XKR3: variants seen among roughly 807,000 people sequenced by gnomAD.
XKR3 encodes the protein XK related 3.
In XKR3, 27 loss-of-function variants were observed where a neutral mutation model predicts 40.3. That is an observed-to-expected ratio of 0.67 (90% confidence interval 0.49 to 0.92). The LOEUF is 0.92. Among genes scored for constraint, XKR3 ranks in the 40% least tolerant of loss-of-function variants. The pLI, the probability that XKR3 is intolerant of heterozygous loss-of-function variation, is 0.00. For synonymous variants in XKR3, 193 were observed against 195.4 expected, an observed-to-expected ratio of 0.99 and a Z score of 0.10; for missense variants, 472 against 537.6, an observed-to-expected ratio of 0.88 and a Z score of 1.21.
At chr22:16,786,558 T>A (rs2060091651) in intron 3 of XKR3, among the ~76,000 whole-genome samples, 1 of 152,124 alleles carries the variant, frequency 6.6e-6, no homozygotes, top group Non-Finnish European at 1.5e-5. Context: ...GGGAAGACCA[T>A]GGCAGCTGCA....
intron 1 of XKR3, among the ~76,000 whole-genome samples, chr22:16,808,460 C>T (rs766114867): frequency 4.1e-4 from 62 of 152,126 alleles, no homozygotes; most frequent in African/African-American, 6.5e-4. Context: ...TAAAATAAAA[C>T]GGCACAATCT....
At chr22:16,818,722 C>G (rs1307986741) in intron 1 of XKR3, among the ~76,000 whole-genome samples, 1 of 152,100 alleles carries the variant, frequency 6.6e-6, no homozygotes, top group East Asian at 1.9e-4. Flanking sequence ...CCAGCTAAAA[C>G]AGAGGACAGC....
intron 3 of XKR3, among the ~76,000 whole-genome samples, chr22:16,798,297 T>C (rs946562690): frequency 3.3e-5 from 5 of 152,068 alleles, no homozygotes; most frequent in African/African-American, 9.7e-5. Context: ...AAATGGCTAC[T>C]ATTAAAATGT....
intron 1 of XKR3, among the ~76,000 whole-genome samples, chr22:16,822,391 AAT>A (rs66595162): frequency 0.6 from 90,445 of 151,266 alleles, 27,138 homozygotes; most frequent in African/African-American, 0.61. Context: ...AAATTAAAAA[AAT>A]AAATAAATAA....
At position 16,784,298 on chromosome 22, in the gene XKR3, T is replaced by C. The variant is rs1231053341; in HGVS notation, c.701A>G (p.Glu234Gly). Residue 234 changes from glutamate (E) to glycine (G), a missense_variant, in exon 4 of 4, where the codon GAA (glutamate) becomes GGA (glycine). Coordinates refer to ENST00000684488, the MANE Select transcript of XKR3 (RefSeq NM_001386955.1). ...ACGCCACATCACGACACAGAAGAAT[T>C]CTATCGGCGGTAGCTTAATGGTAGT... ...DDTTIKLPPIEFFCVVMWRFL... is the reference protein window; with the variant it reads ...DDTTIKLPPIGFFCVVMWRFL... The C allele has an allele frequency of 6.2e-7, 1 of 1,614,034 alleles. No homozygotes were observed. Among genetic ancestry groups the C allele is most frequent in the African/African-American group, 1.3e-5 (1 of 74,916 alleles).
In XKR3 at chr22:16,783,690, G is replaced by A. The variant is rs1224510847; in HGVS notation, c.1309C>T (p.Leu437=). 1.5e-5 allele frequency: 25 copies of A among 1,613,128 alleles called. 1 individual carries two copies. In the African/African-American group the frequency reaches 2.7e-4, roughly 17 times the overall value. Residue 437 remains leucine, a synonymous_variant, in exon 4 of 4, where the codon CTG becomes TTG. Transcript: ENST00000684488. The part of the protein sequence containing the change: ...EKTEKNKNKQ[L]RNYCHSCNRV... ...TTGCAGGAGTGACAGTAATTCCTCA[G>A]CTGCTTATTTTTATTCTTTTCAGTT...
chr22:16,823,854 T>C (rs2060265211), intron 1 of XKR3, among the ~76,000 whole-genome samples: 1 of 151,822 alleles, frequency 6.6e-6, no homozygotes, highest in Non-Finnish European at 1.5e-5. Context: ...GTGTCCAAAG[T>C]AGAACATTAG....
chr22:16,820,622 G>A (rs1215718240), intron 1 of XKR3, among the ~76,000 whole-genome samples: 1 of 115,098 alleles, frequency 8.7e-6, no homozygotes. Flanking sequence ...TTCCTAGTAC[G>A]CCATCTTGTT....
rs763864958 is a variant in XKR3, at chr22:16,784,331, T to C, written c.668A>G (p.Asn223Ser). ...CGGTAGCTTAATGGTAGTATCATCA[T>C]TGCTGATCTGGATGGCCAGTATATT... ...RCNILAIQIS[N>S]DDTTIKLPPI... is the part of the protein sequence containing the mutation. Residue 223 changes from asparagine to serine, a missense_variant, in exon 4 of 4, where the codon AAT becomes AGT. Physicochemically the swap from Asn to Ser is conservative, Grantham distance 46. Coordinates refer to ENST00000684488, the MANE Select transcript of XKR3 (RefSeq NM_001386955.1). 5 of 1,614,088 alleles carry C rather than the reference T, an allele frequency of 3.1e-6. No homozygotes were observed. The highest frequency in any genetic ancestry group is 4.2e-6 in the Non-Finnish European group (5 of 1,180,040).
At chr22:16,816,941 T>C (rs1438556019) in intron 1 of XKR3, among the ~76,000 whole-genome samples, 4 of 152,208 alleles carry the variant, frequency 2.6e-5, no homozygotes, top group Middle Eastern at 3.4e-3. Flanking sequence ...AAGAGACTCA[T>C]ACCAAAAATA....
chr22:16,813,007 G>C (rs916425897), intron 1 of XKR3, among the ~76,000 whole-genome samples: 1 of 152,140 alleles, frequency 6.6e-6, no homozygotes, highest in Admixed American at 6.5e-5. Context: ...ATAATGGGCC[G>C]GGCGCGGTGG....
intron 3 of XKR3, among the ~76,000 whole-genome samples, chr22:16,788,657 T>G (rs2060101597): frequency 2.6e-5 from 4 of 152,096 alleles, no homozygotes; most frequent in Non-Finnish European, 4.4e-5. Flanking sequence ...AGCAATATGC[T>G]CAATACAAAA....
At chr22:16,811,009 G>T (rs1348721882) in intron 1 of XKR3, among the ~76,000 whole-genome samples, 1 of 151,876 alleles carries the variant, frequency 6.6e-6, no homozygotes, top group East Asian at 1.9e-4. Flanking sequence ...AAGCCAAAAT[G>T]TAAGTTCTAT....
chr22:16,790,325 T>C (rs1328181589), intron 3 of XKR3, among the ~76,000 whole-genome samples: 1 of 113,566 alleles, frequency 8.8e-6, no homozygotes, highest in Non-Finnish European at 1.7e-5. Flanking sequence ...TTCATCCTAC[T>C]AGAAAGCTTC....
chr22:16,792,993 CTATTTTT>C (rs1391465544), intron 3 of XKR3, among the ~76,000 whole-genome samples: 3 of 152,090 alleles, frequency 2.0e-5, no homozygotes. Flanking sequence ...TTCCTGCTGA[CTATTTTT>C]TATTTTTTAT....
At chr22:16,795,558 T>C (rs972561244) in intron 3 of XKR3, among the ~76,000 whole-genome samples, 12 of 152,052 alleles carry the variant, frequency 7.9e-5, no homozygotes, top group Non-Finnish European at 1.6e-4. Flanking sequence ...CTAGAGAAGT[T>C]AATGAAACTG....
At chr22:16,816,236 C>G (rs552760334) in intron 1 of XKR3, among the ~76,000 whole-genome samples, 1 of 151,544 alleles carries the variant, frequency 6.6e-6, no homozygotes, top group Non-Finnish European at 1.5e-5. Context: ...CTGCCTTTGC[C>G]GCCTCTCTTT....
intron 3 of XKR3, among the ~76,000 whole-genome samples, chr22:16,790,238 G>A (rs1214387363): frequency 4.2e-5 from 4 of 96,166 alleles, no homozygotes; most frequent in African/African-American, 8.0e-5. Flanking sequence ...ACCTTGGTCT[G>A]GGCAAGGATT....
intron 1 of XKR3, among the ~76,000 whole-genome samples, chr22:16,819,672 T>C (rs999249180): frequency 6.6e-6 from 1 of 151,940 alleles, no homozygotes; most frequent in Non-Finnish European, 1.5e-5. Context: ...CTTTAAAAAA[T>C]AATAAAGAAA....
Sources: allele counts gnomAD v4.1 joint callset (sites outside exome capture counted in the v4.1 genomes callset), GRCh38; gene constraint gnomAD v4.1.1; transcripts MANE v1.5; gene names NCBI Gene and HGNC (gene_info 2026-07-23, HGNC 2026-07-21).